EXT1: variants seen among roughly 807,000 people sequenced by gnomAD.
EXT1 encodes the protein exostosin-1.
Under a neutral mutation model 82.5 loss-of-function variants are expected in EXT1, and 20 were observed. The ratio of observed to expected loss-of-function variants is 0.24; its 90% CI spans 0.17 to 0.35. The LOEUF (loss-of-function observed/expected upper bound fraction) is 0.35, where lower values mean the gene tolerates loss of function less well. Among genes scored for constraint, EXT1 ranks in the 10% least tolerant of loss-of-function variants. The probability of loss-of-function intolerance (pLI) is 1.00; values close to 1 mark genes in which losing one functional copy is unlikely to be tolerated. For synonymous variants in EXT1, 348 were observed against 350.8 expected (o/e 0.99, Z 0.09); for missense variants, 757 against 936.5 (o/e 0.81, Z 2.50).
intron 1 of EXT1, among the ~76,000 whole-genome samples, chr8:118,031,064 A>G (rs956110277): frequency 3.9e-5 from 6 of 152,126 alleles, no homozygotes; most frequent in African/African-American, 1.4e-4. Flanking sequence ...CCTAGTTGAG[A>G]GCCTGGGAGT....
At chr8:117,818,807 G>A (rs574536157) in intron 6 of EXT1, among the ~76,000 whole-genome samples, 1 of 152,178 alleles carries the variant, frequency 6.6e-6, no homozygotes, top group African/African-American at 2.4e-5. Context: ...GGGGAAAGCT[G>A]CAGGAAAAAG....
chr8:117,918,550 T>C (rs1349858905), intron 1 of EXT1, among the ~76,000 whole-genome samples: 1 of 152,248 alleles, frequency 6.6e-6, no homozygotes, highest in Non-Finnish European at 1.5e-5. Flanking sequence ...ACCAGCAGAA[T>C]GCTGCAGAGG....
At chr8:117,873,253 C>T (rs1027321906) in intron 1 of EXT1, among the ~76,000 whole-genome samples, 5 of 152,114 alleles carry the variant, frequency 3.3e-5, no homozygotes, top group African/African-American at 1.2e-4. Flanking sequence ...TTCTATTGTT[C>T]ATTAGCAGCC....
rs1817901401 is a variant in EXT1 at position 118,111,386 on chromosome 8, A to G, written c.-340T>C. On this transcript the variant is annotated 5_prime_UTR_variant, in exon 1 of 11. Transcript: ENST00000378204. Reference sequence around the variant, plus strand: ...AGAAAGAGAGAGGGGAGAAAAAAAAAGCTCCCGATACCCAATCAATGGCAA... The same window carrying G: ...AGAAAGAGAGAGGGGAGAAAAAAAAGGCTCCCGATACCCAATCAATGGCAA... 1.8e-6 allele frequency: 1 copy of G among 566,584 alleles called. No homozygotes were observed. Among genetic ancestry groups the G allele is most frequent in the Non-Finnish European group, 3.1e-6 (1 of 320,698 alleles). 35.1% of individuals were successfully genotyped at this position (566,584 alleles called of 1,614,324 possible).
Position 117,799,716 on chromosome 8 carries a change from A to G in EXT1, c.2237T>C (p.Leu746Pro). ...LRKKYRDIER[L>P] ...TCCCCCACTCAGCCGGATTCCTCAAAGTCGCTCAATGTCTCGGTATTTCTT... is the reference window on the plus strand; with the variant it reads ...TCCCCCACTCAGCCGGATTCCTCAAGGTCGCTCAATGTCTCGGTATTTCTT... The change falls in exon 11 of 11, where the codon CTT (leucine) becomes CCT (proline). Residue 746 changes from leucine to proline, a missense_variant. Coordinates refer to ENST00000378204, the MANE Select transcript of EXT1 (RefSeq NM_000127.3). The G allele has an allele frequency of 6.2e-7, 1 of 1,613,938 alleles. No homozygotes were observed. The highest frequency in any genetic ancestry group is 8.5e-7 in the Non-Finnish European group (1 of 1,179,984).
At chr8:117,996,460 C>T (rs76519136) in intron 1 of EXT1, among the ~76,000 whole-genome samples, 2,493 of 152,292 alleles carry the variant, frequency 0.016, 65 homozygotes, top group African/African-American at 0.055. Flanking sequence ...ATTTTCATCA[C>T]ACAGAAAGTT....
chr8:117,890,861 C>A (rs558107862), intron 1 of EXT1, among the ~76,000 whole-genome samples: 2 of 152,316 alleles, frequency 1.3e-5, no homozygotes, highest in Admixed American at 6.5e-5. Flanking sequence ...GCAGCCGCTA[C>A]TACAATAACT....
chr8:117,863,992 C>T (rs923894108), intron 1 of EXT1, among the ~76,000 whole-genome samples: 11 of 152,148 alleles, frequency 7.2e-5, no homozygotes, highest in African/African-American at 2.4e-4. Flanking sequence ...CTGTCACCTG[C>T]TACAATTCAT....
intron 3 of EXT1, 99 bp from the exon 4 acceptor site, chr8:117,830,448 C>G: frequency 7.3e-7 from 1 of 1,368,548 alleles, no homozygotes; most frequent in South Asian, 1.3e-5. Context: ...TTCTTCATAG[C>G]ATTTGGCTTC....
intron 1 of EXT1, among the ~76,000 whole-genome samples, chr8:117,852,425 C>G (rs1019742708): frequency 6.6e-6 from 1 of 152,194 alleles, no homozygotes; most frequent in Admixed American, 6.5e-5. Flanking sequence ...CCCCATCTCA[C>G]ACACTACTTC....
chr8:117,896,048 A>G (rs142610507), intron 1 of EXT1, among the ~76,000 whole-genome samples: 1 of 152,232 alleles, frequency 6.6e-6, no homozygotes, highest in Non-Finnish European at 1.5e-5. Flanking sequence ...TCATGCATGT[A>G]TATTTTACCT....
intron 1 of EXT1, among the ~76,000 whole-genome samples, chr8:117,886,442 T>C (rs754393271): frequency 5.9e-5 from 9 of 152,232 alleles, no homozygotes; most frequent in Admixed American, 3.9e-4. Context: ...TACTTGGTGC[T>C]ACCTGCTATG....
At chr8:117,810,548 T>C (rs1306972151) in intron 8 of EXT1, among the ~76,000 whole-genome samples, 1 of 152,240 alleles carries the variant, frequency 6.6e-6, no homozygotes, top group Non-Finnish European at 1.5e-5. Context: ...TCACAGCAGT[T>C]GAAAGTTATT....
chr8:117,993,075 T>C (rs1380220639), intron 1 of EXT1, among the ~76,000 whole-genome samples: 1 of 152,192 alleles, frequency 6.6e-6, no homozygotes, highest in African/African-American at 2.4e-5. Context: ...AGATAACTTG[T>C]TGAACAATTT....
chr8:118,090,722 T>C (rs1586267622), intron 1 of EXT1, among the ~76,000 whole-genome samples: 1 of 120,176 alleles, frequency 8.3e-6, no homozygotes, highest in African/African-American at 3.2e-5. Flanking sequence ...GAGGTTGCAG[T>C]GGGCCAAGAT....
intron 1 of EXT1, among the ~76,000 whole-genome samples, chr8:117,969,416 C>T (rs1285988970): frequency 6.6e-6 from 1 of 152,158 alleles, no homozygotes. Context: ...AAAATGTCAA[C>T]CACAGCCTTG....
rs750400291 is a variant in EXT1, at chr8:117,950,005, G to A, written c.963-112804C>T. ...TTTGGGAGGCTGAGGCGGGCAGATC[G>A]CTTGAGGTCAGGAGTCTGAGACCAG... is the stretch of plus-strand genomic sequence containing the variant. On this transcript the variant is annotated intron_variant, in intron 1 of 10. Transcript: ENST00000378204. 3.3e-5 allele frequency among the ~76,000 whole-genome samples: 5 copies of A among 152,110 alleles called. No homozygotes were observed. In the East Asian group the frequency reaches 5.8e-4, roughly 18 times the overall value.
chr8:117,953,147 C>T (rs1420073189), intron 1 of EXT1, among the ~76,000 whole-genome samples: 1 of 152,156 alleles, frequency 6.6e-6, no homozygotes, highest in Non-Finnish European at 1.5e-5. Flanking sequence ...TTATTTTGAA[C>T]TCTGATCCAG....
chr8:117,986,187 C>CTTTT (rs1160370973), intron 1 of EXT1, among the ~76,000 whole-genome samples: 6 of 63,466 alleles, frequency 9.5e-5, no homozygotes, highest in Admixed American at 2.3e-4. Context: ...CTATTCTTTT[C>CTTTT]TTTTTTTTTT....
Sources: allele counts gnomAD v4.1 joint callset (sites outside exome capture counted in the v4.1 genomes callset), GRCh38; gene constraint gnomAD v4.1.1; transcripts MANE v1.5; gene names NCBI Gene and HGNC (gene_info 2026-07-23, HGNC 2026-07-21).